Variants in RBFOX1 observed in about 807,000 individuals in gnomAD.
The protein encoded by RBFOX1 is RNA binding fox-1 homolog 1, also known as RNA binding protein fox-1 homolog 1.
In RBFOX1, 8 loss-of-function variants were observed where a neutral mutation model predicts 57.7. The ratio of observed to expected loss-of-function variants is 0.14; its 90% CI spans 0.08 to 0.25. RBFOX1 has a LOEUF of 0.25. RBFOX1 is among the 10% of genes least tolerant of loss of function. RBFOX1 has a pLI of 1.00. For synonymous variants in RBFOX1, 326 were observed against 222.4 expected (o/e 1.47, Z -4.15); for missense variants, 611 against 548.5 (o/e 1.11, Z -1.14).
chr16:7,383,257 C>A (rs2097813832), intron 4 of RBFOX1, among the ~76,000 whole-genome samples: 1 of 149,646 alleles, frequency 6.7e-6, no homozygotes, highest in African/African-American at 2.5e-5. Context: ...TACTACGTAC[C>A]CATAAAAATT....
intron 2 of RBFOX1, among the ~76,000 whole-genome samples, chr16:6,514,245 T>G (rs2096321614): frequency 6.6e-6 from 1 of 152,198 alleles, no homozygotes; most frequent in Non-Finnish European, 1.5e-5. Context: ...ATGCCATTTG[T>G]AGCACACACA....
chr16:5,832,625 A>G (rs2056318256), intron 3 of RBFOX1, among the ~76,000 whole-genome samples: 1 of 152,232 alleles, frequency 6.6e-6, no homozygotes, highest in East Asian at 1.9e-4. Flanking sequence ...GTCTCTCCCA[A>G]GAGCCTGTAA....
chr16:6,957,405 C>T (rs1051855453), intron 3 of RBFOX1, among the ~76,000 whole-genome samples: 13 of 149,706 alleles, frequency 8.7e-5, no homozygotes, highest in Non-Finnish European at 1.2e-4. Flanking sequence ...CACGCTCAGC[C>T]GGTTATTTCT....
intron 4 of RBFOX1, among the ~76,000 whole-genome samples, chr16:7,499,922 G>A (rs1009901514): frequency 6.6e-6 from 1 of 151,798 alleles, no homozygotes; most frequent in Admixed American, 6.6e-5. Context: ...GTTCACTGCT[G>A]TGCTTCTTCC....
intron 3 of RBFOX1, among the ~76,000 whole-genome samples, chr16:6,991,468 A>G (rs17141971): frequency 6.6e-6 from 1 of 152,094 alleles, no homozygotes; most frequent in Admixed American, 6.6e-5. Flanking sequence ...AAATACGTAG[A>G]TAAGTCCTTT....
rs1198317658 is a variant in RBFOX1 at position 5,565,644 on chromosome 16, A to C, written c.259-33258A>C. 2.0e-5 allele frequency among the ~76,000 whole-genome samples: 3 copies of C among 150,660 alleles called. No homozygotes were observed. The East Asian group carries it at 5.8e-4, about 29-fold the overall frequency. On this transcript the variant is annotated intron_variant, in intron 2 of 2. Transcript: ENST00000585867. ...CTGCCTTACATAAATAAATAAATAA[A>C]TAAATAAATAAATAAATAAATAAAT...
At chr16:5,245,218 G>C (rs1279422643) in intron 1 of RBFOX1, among the ~76,000 whole-genome samples, 1 of 152,166 alleles carries the variant, frequency 6.6e-6, no homozygotes, top group Admixed American at 6.5e-5. Flanking sequence ...ATGTTCATGG[G>C]ATATGTTCCA....
chr16:7,184,370 T>G (rs190507670), intron 4 of RBFOX1, among the ~76,000 whole-genome samples: 2 of 152,280 alleles, frequency 1.3e-5, no homozygotes, highest in East Asian at 3.9e-4. Context: ...CAGATGCAAG[T>G]GCAAGAGGTT....
intron 4 of RBFOX1, among the ~76,000 whole-genome samples, chr16:5,981,478 T>A (rs1408062415): frequency 6.6e-6 from 1 of 152,178 alleles, no homozygotes; most frequent in African/African-American, 2.4e-5. Flanking sequence ...ATTTTATTAT[T>A]TTATTTTTGA....
chr16:6,115,751 C>G (rs759711051), intron 1 of RBFOX1, among the ~76,000 whole-genome samples: 1 of 152,138 alleles, frequency 6.6e-6, no homozygotes, highest in Non-Finnish European at 1.5e-5. Flanking sequence ...ACACAGTGGG[C>G]TAGGTTTGCC....
chr16:6,173,161 G>T (rs2096974486), intron 1 of RBFOX1, among the ~76,000 whole-genome samples: 1 of 152,094 alleles, frequency 6.6e-6, no homozygotes, highest in Non-Finnish European at 1.5e-5. Context: ...AAGTCCCTTT[G>T]CCATGTACGG....
chr16:6,040,011 G>A (rs896383483), intron 1 of RBFOX1, among the ~76,000 whole-genome samples: 4 of 152,168 alleles, frequency 2.6e-5, no homozygotes, highest in Non-Finnish European at 5.9e-5. Context: ...TAGAGCAAGA[G>A]GTAGGGAGAG....
chr16:6,041,437 A>G (rs1402931900), intron 1 of RBFOX1, among the ~76,000 whole-genome samples: 1 of 152,166 alleles, frequency 6.6e-6, no homozygotes, highest in Admixed American at 6.5e-5. Context: ...CTGGGCATCT[A>G]TTCTGTGTTG....
chr16:7,562,115 T>A (rs2090522792), intron 5 of RBFOX1, among the ~76,000 whole-genome samples: 1 of 152,168 alleles, frequency 6.6e-6, no homozygotes, highest in Non-Finnish European at 1.5e-5. Context: ...GCAGCTCATT[T>A]TTATGAGACC....
intron 3 of RBFOX1, among the ~76,000 whole-genome samples, chr16:5,669,275 C>G (rs1205881125): frequency 4.6e-5 from 7 of 152,192 alleles, no homozygotes; most frequent in African/African-American, 1.7e-4. Flanking sequence ...CCCTCAGCTC[C>G]AAACTCTGTT....
rs373090307 is a variant in RBFOX1 at position 7,648,726 on chromosome 16, G to C, written c.758-5089G>C. ...GAGATGTGATGAAGACCCTTTAATA[G>C]GTGTTACCTGTCTGGGGCCAAAACT... On this transcript the variant is annotated intron_variant, in intron 11 of 15. Coordinates refer to ENST00000550418, the MANE Select transcript of RBFOX1 (RefSeq NM_018723.4). Among the ~76,000 whole-genome samples, 15 of 152,252 alleles carry C rather than the reference G, an allele frequency of 9.9e-5. 1 individual carries two copies. The highest frequency in any genetic ancestry group is 1.9e-4 in the East Asian group (1 of 5,170).
At chr16:7,242,741 A>T (rs1008032779) in intron 4 of RBFOX1, among the ~76,000 whole-genome samples, 1 of 152,186 alleles carries the variant, frequency 6.6e-6, no homozygotes, top group Non-Finnish European at 1.5e-5. Context: ...CACGTGCATG[A>T]TGGGTTGGGT....
At position 7,695,337 on chromosome 16, in the gene RBFOX1, A is replaced by G. The variant is rs542939894; in HGVS notation, c.996-13719A>G. On this transcript the variant is annotated intron_variant, in intron 14 of 15. Coordinates refer to ENST00000550418, the MANE Select transcript of RBFOX1 (RefSeq NM_018723.4). ...ATGAAAAATCAAAACTGCTCAGTCA[A>G]CAAAGGTTGTAACTCGTGGTTTCAG... Among the ~76,000 whole-genome samples the G allele has an allele frequency of 2.0e-5, 3 of 152,316 alleles. No individual in the cohort carries two copies. In the South Asian group the frequency reaches 6.2e-4, roughly 32 times the overall value.
chr16:6,564,256 T>C (rs893777010), intron 2 of RBFOX1, among the ~76,000 whole-genome samples: 2 of 152,282 alleles, frequency 1.3e-5, no homozygotes, highest in African/African-American at 2.4e-5. Context: ...CATGTACATA[T>C]GGAACATGCT....
Sources: gnomAD v4.1 joint callset for allele counts (sites outside exome capture counted in the v4.1 genomes callset) on GRCh38, gnomAD v4.1.1 for gene constraint, MANE v1.5 for transcripts, NCBI Gene and HGNC (gene_info 2026-07-23, HGNC 2026-07-21) for gene names.